The following PARP8 variants were observed in gnomAD, a reference collection of about 807,000 sequenced individuals.
PARP8 encodes the protein protein mono-ADP-ribosyltransferase PARP8.
Under a neutral mutation model 124.1 loss-of-function variants are expected in PARP8, and 51 were observed. The ratio of observed to expected loss-of-function variants is 0.41; its 90% CI spans 0.33 to 0.52. PARP8 has a LOEUF of 0.52. Among genes scored for constraint, PARP8 ranks in the 20% least tolerant of loss-of-function variants. PARP8 has a pLI of 0.21. For missense variants in PARP8, 860 were observed against 1,018.9 expected (o/e 0.84, Z 2.12); for synonymous variants, 391 against 361.5 (o/e 1.08, Z -0.93).
At chr5:50,752,126 A>T (rs543183754) in intron 3 of PARP8, among the ~76,000 whole-genome samples, 94 of 151,812 alleles carry the variant, frequency 6.2e-4, no homozygotes, top group Middle Eastern at 3.4e-3. Context: ...CTTTTTTTTA[A>T]AAAAAATGAA....
chr5:50,775,106 C>T (rs1739830086), intron 7 of PARP8, among the ~76,000 whole-genome samples: 1 of 151,476 alleles, frequency 6.6e-6, no homozygotes. Context: ...TCCTCACATC[C>T]CAGACGATGG....
At position 50,821,447 on chromosome 5, in the gene PARP8, A is replaced by T. The variant is rs146771440; in HGVS notation, c.1794+109A>T. 2.6e-4 allele frequency: 314 copies of T among 1,187,568 alleles called. 4 individuals carry two copies. The East Asian group carries it at 7.3e-3, about 28-fold the overall frequency. 73.6% of individuals were successfully genotyped at this position (1,187,568 alleles called of 1,614,324 possible). A position where few individuals can be genotyped will look rare whatever the true frequency, so the allele number is the denominator to read the frequency against. ...CTCTTTCTATCTAAATCTCTATCTC[A>T]TCAAGCATATCCATGAGTATTTAAT... On this transcript the variant is annotated intron_variant, in intron 16 of 25. Transcript: ENST00000281631.
intron 2 of PARP8, among the ~76,000 whole-genome samples, chr5:50,671,545 C>A (rs948848716): frequency 1.3e-5 from 2 of 151,616 alleles, no homozygotes; most frequent in African/African-American, 4.8e-5. Flanking sequence ...AAGAAATACG[C>A]CAAAAAGAAG....
At position 50,666,706 on chromosome 5, in the gene PARP8, GC is replaced by G; in HGVS notation, c.-389del. ...CCGGAGCGGGGCTCGCCCCTCGCCG[GC>G]GCCCGCCGCCCAGCCGGTGATTGCT... On this transcript the variant is annotated 5_prime_UTR_variant, in exon 1 of 26. Coordinates refer to ENST00000281631, the MANE Select transcript of PARP8 (RefSeq NM_024615.4). The G allele has an allele frequency of 4.1e-6, 1 of 246,052 alleles. No homozygotes were observed. The highest frequency in any genetic ancestry group is 9.6e-5 in the South Asian group (1 of 10,456). 15.2% of individuals were successfully genotyped at this position (246,052 alleles called of 1,614,324 possible).
chr5:50,690,170 A>G (rs1466609350), intron 2 of PARP8, among the ~76,000 whole-genome samples: 2 of 152,210 alleles, frequency 1.3e-5, no homozygotes, highest in African/African-American at 2.4e-5. Flanking sequence ...GCAGCCTCTC[A>G]GGAGGGCTCC....
At chr5:50,823,080 T>C (rs1745947616) in intron 17 of PARP8, among the ~76,000 whole-genome samples, 2 of 150,578 alleles carry the variant, frequency 1.3e-5, no homozygotes, top group South Asian at 4.1e-4. Context: ...ACAACGCACA[T>C]TATGTGTGCA....
rs1266763873 is a variant in PARP8, at chr5:50,842,956, AAGAC to A, written c.*889_*892del. On this transcript the variant is annotated 3_prime_UTR_variant, in exon 26 of 26. Coordinates refer to ENST00000281631, the MANE Select transcript of PARP8 (RefSeq NM_024615.4). The stretch of plus-strand genomic sequence containing the variant: ...TTCAAATGATTATGTATTTAAAAGA[AAGAC>A]CTCAGAATTTAAAGAAACCATATAT... 1.3e-5 allele frequency: 2 copies of A among 151,720 alleles called. No homozygotes were observed. 9.4% of individuals were successfully genotyped at this position (151,720 alleles called of 1,614,324 possible). A position where few individuals can be genotyped will look rare whatever the true frequency, so the allele number is the denominator to read the frequency against.
Position 50,822,408 on chromosome 5 carries a change from T to C in PARP8, c.1860+8T>C, listed in dbSNP as rs1385893122. On this transcript the variant is annotated splice_region_variant and intron_variant, in intron 17 of 25. Coordinates refer to ENST00000281631, the MANE Select transcript of PARP8 (RefSeq NM_024615.4). ...ATCAGAGAAATGACACAAGTAAGTA[T>C]GTCATCTGGTCTTGTACAGTATATT... The C allele has an allele frequency of 6.3e-7, 1 of 1,592,998 alleles. No individual in the cohort carries two copies. The highest frequency in any genetic ancestry group is 8.6e-7 in the Non-Finnish European group (1 of 1,161,146).
chr5:50,781,362 C>A (rs374566076), intron 9 of PARP8, among the ~76,000 whole-genome samples: 7 of 147,328 alleles, frequency 4.8e-5, no homozygotes, highest in African/African-American at 1.7e-4. Flanking sequence ...TTATTTTATT[C>A]CTATAGATGG....
At chr5:50,816,922 G>T (rs1276746813) in intron 15 of PARP8, among the ~76,000 whole-genome samples, 1 of 151,978 alleles carries the variant, frequency 6.6e-6, no homozygotes, top group African/African-American at 2.4e-5. Context: ...AATATGTATG[G>T]TATTTATAGC....
Position 50,759,642 on chromosome 5 carries a change from G to A in PARP8, c.185-1G>A, listed in dbSNP as rs1760342454. 3 of 1,304,946 alleles carry A rather than the reference G, an allele frequency of 2.3e-6. No homozygotes were observed. The highest frequency in any genetic ancestry group is 2.0e-6 in the Non-Finnish European group (2 of 994,992). 80.8% of individuals were successfully genotyped at this position (1,304,946 alleles called of 1,614,324 possible). On this transcript the variant is annotated splice_acceptor_variant, in intron 3 of 25. Transcript: ENST00000281631. LOFTEE classifies it high-confidence loss of function. ...ATTATCTTTTTTTTTTTTTTTTGCA[G>A]ATAATACATATGTGTCAAGTTCAGA... is the stretch of plus-strand genomic sequence containing the variant.
At chr5:50,794,436 T>C (rs1407651954) in intron 11 of PARP8, 104 bp downstream of exon 11, 3 of 1,332,510 alleles carry the variant, frequency 2.3e-6, no homozygotes, top group Non-Finnish European at 3.0e-6. Flanking sequence ...GTTTATTTTC[T>C]TTATAACCTC....
intron 1 of PARP8, 111 bp from the exon 2 acceptor site, chr5:50,667,960 T>G: frequency 1.3e-6 from 2 of 1,594,178 alleles, no homozygotes; most frequent in South Asian, 2.2e-5. Flanking sequence ...AGCCCTTGCC[T>G]TCTGCCCGGC....
At chr5:50,692,988 A>T (rs1438780962) in intron 2 of PARP8, among the ~76,000 whole-genome samples, 1 of 152,322 alleles carries the variant, frequency 6.6e-6, no homozygotes, top group East Asian at 1.9e-4. Flanking sequence ...AGGAGTTCTT[A>T]AAATTTTTAT....
chr5:50,744,115 A>G (rs1385751856), intron 2 of PARP8, among the ~76,000 whole-genome samples: 2 of 152,228 alleles, frequency 1.3e-5, no homozygotes, highest in Admixed American at 6.5e-5. Context: ...GTAAAATCAG[A>G]TAATGAATTG....
In PARP8 at chr5:50,795,069, C is replaced by G. The variant is rs766923691; in HGVS notation, c.1080C>G (p.His360Gln). 1.9e-6 allele frequency: 3 copies of G among 1,614,062 alleles called. No individual in the cohort carries two copies. Among genetic ancestry groups the G allele is most frequent in the Non-Finnish European group, 2.5e-6 (3 of 1,180,046 alleles). ...AEQAMTAIKS[H>Q]KLLNRPCPAA... ...AGGCTATGACAGCAATTAAATCGCA[C>G]AAACTTTTGAACCGTCCTTGCCCTG... Residue 360 changes from histidine (H) to glutamine (Q), a missense_variant, in exon 12 of 26, where the codon CAC becomes CAG. By Grantham distance (24) the His-to-Gln change is conservative. Coordinates refer to ENST00000281631, the MANE Select transcript of PARP8 (RefSeq NM_024615.4).
chr5:50,697,777 TG>T (rs1753186824), intron 2 of PARP8, among the ~76,000 whole-genome samples: 1 of 152,234 alleles, frequency 6.6e-6, no homozygotes, highest in African/African-American at 2.4e-5. Flanking sequence ...CCCAAAATGT[TG>T]ATAGTAATAG....
intron 2 of PARP8, among the ~76,000 whole-genome samples, chr5:50,738,727 A>G (rs890754640): frequency 2.0e-5 from 3 of 151,836 alleles, no homozygotes; most frequent in African/African-American, 4.8e-5. Flanking sequence ...AAAAAAAAAA[A>G]AAAAAGAAAA....
chr5:50,762,197 G>A (rs1267297574), intron 6 of PARP8, among the ~76,000 whole-genome samples: 1 of 152,040 alleles, frequency 6.6e-6, no homozygotes, highest in Admixed American at 6.6e-5. Flanking sequence ...AGCATGTTGT[G>A]TTCAGTCACT....
Sources: gnomAD v4.1 joint callset for allele counts (sites outside exome capture counted in the v4.1 genomes callset) on GRCh38, gnomAD v4.1.1 for gene constraint, MANE v1.5 for transcripts, NCBI Gene and HGNC (gene_info 2026-07-23, HGNC 2026-07-21) for gene names.